Variants in EYS observed in about 807,000 individuals in gnomAD.
EYS encodes the protein EGF-like photoreceptor maintenance factor.
In EYS, 250 loss-of-function variants were observed where a neutral mutation model predicts 282.1. The ratio of observed to expected loss-of-function variants is 0.89; its 90% confidence interval spans 0.80 to 0.98. The LOEUF (loss-of-function observed/expected upper bound fraction) is 0.98. EYS is among the 50% of genes least tolerant of loss of function. The pLI, the probability that EYS is intolerant of heterozygous loss-of-function variation, is 0.00. For missense variants in EYS, 4,016 were observed against 3,709.0 expected, an observed-to-expected ratio of 1.08 and a Z score of -2.15; for synonymous variants, 1,355 against 1,282.9, an observed-to-expected ratio of 1.06 and a Z score of -1.20.
chr6:65,297,598 A>G (rs1184804362), intron 11 of EYS, among the ~76,000 whole-genome samples: 1 of 151,942 alleles, frequency 6.6e-6, no homozygotes, highest in African/African-American at 2.4e-5. Flanking sequence ...GTATTAAATA[A>G]ATATATTTGT....
chr6:65,184,843 A>T (rs1765478296), intron 12 of EYS, among the ~76,000 whole-genome samples: 1 of 151,646 alleles, frequency 6.6e-6, no homozygotes, highest in African/African-American at 2.4e-5. Flanking sequence ...AATCTACCCC[A>T]TTTCTAGGAA....
At chr6:63,903,781 A>G (rs1451993695) in intron 35 of EYS, among the ~76,000 whole-genome samples, 1 of 152,218 alleles carries the variant, frequency 6.6e-6, no homozygotes, top group Admixed American at 6.5e-5. Context: ...TGGAACGCAG[A>G]CAGGAGGTAT....
intron 26 of EYS, among the ~76,000 whole-genome samples, chr6:64,545,566 A>T (rs1449480308): frequency 6.6e-6 from 1 of 152,242 alleles, no homozygotes; most frequent in Non-Finnish European, 1.5e-5. Flanking sequence ...AGTTAGGAAA[A>T]GAGGAAATCA....
rs1438620967 is a variant in EYS at position 65,565,017 on chromosome 6, G to A, written c.-332-69024C>T. Among the ~76,000 whole-genome samples the A allele has an allele frequency of 3.5e-5, 2 of 56,850 alleles. 1 individual carries two copies. The highest frequency in any genetic ancestry group is 5.6e-5 in the Non-Finnish European group (2 of 35,906). 37.3% of individuals were successfully genotyped at this position (56,850 alleles called of 152,430 possible). On this transcript the variant is annotated intron_variant, in intron 2 of 42. Transcript: ENST00000503581. The stretch of plus-strand genomic sequence containing the variant: ...TCCCAGCACTTTGGGAGGCCGAGGC[G>A]GGCGGATCACGAGGTCAGGAGATCG...
At chr6:64,266,239 T>C (rs1036584198) in intron 30 of EYS, among the ~76,000 whole-genome samples, 1 of 152,072 alleles carries the variant, frequency 6.6e-6, no homozygotes, top group Admixed American at 6.6e-5. Flanking sequence ...AATTTATTAG[T>C]GATTGGGTGT....
chr6:64,680,270 T>TGTTGATGCCA (rs1769854210), intron 22 of EYS, among the ~76,000 whole-genome samples: 3 of 152,196 alleles, frequency 2.0e-5, no homozygotes, highest in Non-Finnish European at 4.4e-5. Context: ...CAGCATGAGC[T>TGTTGATGCCA]TCCCTGCTGA....
chr6:64,889,104 A>G (rs1767193325), intron 18 of EYS, among the ~76,000 whole-genome samples: 1 of 151,978 alleles, frequency 6.6e-6, no homozygotes, highest in African/African-American at 2.4e-5. Context: ...TCAGTGATTT[A>G]TGATAATCAC....
At chr6:64,298,819 A>G (rs1318414600) in intron 30 of EYS, among the ~76,000 whole-genome samples, 2 of 152,184 alleles carry the variant, frequency 1.3e-5, no homozygotes, top group Non-Finnish European at 2.9e-5. Context: ...TAAATAGATT[A>G]AAACTGAAAG....
chr6:65,101,203 C>T (rs72879818), intron 12 of EYS, among the ~76,000 whole-genome samples: 53 of 151,056 alleles, frequency 3.5e-4, no homozygotes, highest in Non-Finnish European at 6.5e-4. Flanking sequence ...GAGAACCGTT[C>T]AAGTAAGCCT....
At chr6:63,775,405 C>A (rs749498308) in intron 40 of EYS, among the ~76,000 whole-genome samples, 2 of 152,134 alleles carry the variant, frequency 1.3e-5, no homozygotes, top group Non-Finnish European at 2.9e-5. Flanking sequence ...TGAGGTTTTC[C>A]TTTTACAATT....
At chr6:65,703,150 CATG>C (rs1769739958) in intron 1 of EYS, among the ~76,000 whole-genome samples, 1 of 152,098 alleles carries the variant, frequency 6.6e-6, no homozygotes, top group African/African-American at 2.4e-5. Flanking sequence ...TGCACAATCC[CATG>C]AACCAATTCC....
intron 33 of EYS, among the ~76,000 whole-genome samples, chr6:64,006,011 C>A (rs1768329943): frequency 6.6e-6 from 1 of 152,086 alleles, no homozygotes; most frequent in Admixed American, 6.6e-5. Flanking sequence ...TGAAGAATGT[C>A]ATTTGTAGTT....
intron 22 of EYS, among the ~76,000 whole-genome samples, chr6:64,661,994 C>G (rs1287758850): frequency 4.0e-5 from 6 of 151,852 alleles, no homozygotes; most frequent in Admixed American, 3.9e-4. Context: ...AAATGTCCAA[C>G]AATGATAGAC....
intron 12 of EYS, among the ~76,000 whole-genome samples, chr6:65,127,267 ACC>A (rs1775746948): frequency 6.6e-6 from 1 of 152,148 alleles, no homozygotes; most frequent in Non-Finnish European, 1.5e-5. Flanking sequence ...TTTCCCTTAC[ACC>A]TAGTAGGGAA....
chr6:64,770,887 C>T (rs1314454701), intron 22 of EYS, among the ~76,000 whole-genome samples: 1 of 151,732 alleles, frequency 6.6e-6, no homozygotes, highest in Non-Finnish European at 1.5e-5. Flanking sequence ...TTTGTACATT[C>T]TTAGAAACTC....
intron 31 of EYS, among the ~76,000 whole-genome samples, chr6:64,215,027 T>G (rs576180016): frequency 6.6e-6 from 1 of 152,132 alleles, no homozygotes; most frequent in Non-Finnish European, 1.5e-5. Flanking sequence ...GTCATTTCAT[T>G]GTCTTTATTC....
At chr6:64,956,886 C>A (rs747825575) in intron 14 of EYS, among the ~76,000 whole-genome samples, 7 of 152,052 alleles carry the variant, frequency 4.6e-5, no homozygotes, top group Non-Finnish European at 1.5e-5. Flanking sequence ...AATGAGAAAT[C>A]ATCTGACCCC....
At chr6:64,757,627 T>A (rs575257279) in intron 22 of EYS, among the ~76,000 whole-genome samples, 153 of 152,328 alleles carry the variant, frequency 1.0e-3, no homozygotes, top group Non-Finnish European at 1.6e-3. Flanking sequence ...ATGAATATTA[T>A]ACCACTGTAT....
intron 22 of EYS, among the ~76,000 whole-genome samples, chr6:64,774,584 A>G (rs894230052): frequency 6.6e-6 from 1 of 151,960 alleles, no homozygotes; most frequent in Non-Finnish European, 1.5e-5. Context: ...GTTAATAGCC[A>G]GTACAAGGAC....
Sources: allele counts gnomAD v4.1 joint callset (sites outside exome capture counted in the v4.1 genomes callset), GRCh38; gene constraint gnomAD v4.1.1; transcripts MANE v1.5; gene names NCBI Gene and HGNC (gene_info 2026-07-23, HGNC 2026-07-21).